Variants in PRSS54 observed in about 807,000 individuals in gnomAD.
PRSS54 encodes the protein inactive serine protease 54.
A neutral mutation model predicts 19.9 loss-of-function variants in PRSS54; 16 were observed. The ratio of observed to expected loss-of-function variants is 0.80; its 90% CI spans 0.54 to 1.22. PRSS54 has a LOEUF of 1.22. Among genes scored for constraint, PRSS54 ranks in the 50% most tolerant of loss-of-function variants. The probability of loss-of-function intolerance (pLI) is 0.00; values close to 1 mark genes in which losing one functional copy is unlikely to be tolerated. For synonymous variants in PRSS54, 177 were observed against 195.8 expected (o/e 0.90, Z 0.80); for missense variants, 444 against 494.8 (o/e 0.90, Z 0.97).
intron 6 of PRSS54, 148 bp downstream of exon 6, chr16:58,284,442 C>G: frequency 1.3e-6 from 1 of 782,978 alleles, no homozygotes; most frequent in Non-Finnish European, 2.1e-6. Flanking sequence ...ATACTGTCTG[C>G]CAAGTGCTAT....
chr16:58,281,310 A>C (rs55693470), intron 6 of PRSS54: 4,152 of 157,746 alleles, frequency 0.026, 77 homozygotes, highest in East Asian at 0.048. Flanking sequence ...CATTAGCTAG[A>C]TATGGGACCC....
intron 2 of PRSS54, 25 bp from the exon 3 acceptor site, chr16:58,293,847 C>G (rs755279007): frequency 1.3e-6 from 2 of 1,585,004 alleles, no homozygotes; most frequent in Non-Finnish European, 1.7e-6. Context: ...CCCAATGACT[C>G]CATCCTCTTC....
chr16:58,286,231 A>C (rs374484232), intron 4 of PRSS54, 36 bp from the exon 5 acceptor site: 1 of 1,608,630 alleles, frequency 6.2e-7, no homozygotes, highest in South Asian at 1.1e-5. Flanking sequence ...AGAAGCCAAG[A>C]CAGCAAGGAA....
Position 58,294,017 on chromosome 16 carries a change from TAA to T in PRSS54, c.-41_-40del. On this transcript the variant is annotated 5_prime_UTR_variant, in exon 2 of 7. Coordinates refer to ENST00000567164, the MANE Select transcript of PRSS54 (RefSeq NM_001305173.2). ...ATCCCTAGTGCTTGGTTCTGTGTGGTAAAGAGGCAGGACCAGTTGGCCCGCAC... is the reference window on the plus strand; with the variant it reads ...ATCCCTAGTGCTTGGTTCTGTGTGGTAGAGGCAGGACCAGTTGGCCCGCAC... 1 of 591,560 alleles carries T rather than the reference TAA, an allele frequency of 1.7e-6. No individual in the cohort carries two copies. Among genetic ancestry groups the T allele is most frequent in the Non-Finnish European group, 3.0e-6 (1 of 330,964 alleles). 36.6% of individuals were successfully genotyped at this position (591,560 alleles called of 1,614,324 possible). A position where few individuals can be genotyped will look rare whatever the true frequency, so the allele number is the denominator to read the frequency against.
chr16:58,292,259 C>T (rs1271106429), intron 3 of PRSS54, among the ~76,000 whole-genome samples: 1 of 152,172 alleles, frequency 6.6e-6, no homozygotes, highest in Non-Finnish European at 1.5e-5. Flanking sequence ...TGCATCCAAC[C>T]ACACTTGGCC....
In PRSS54 at chr16:58,286,496, GTT is replaced by G. The variant is rs11332661; in HGVS notation, c.264-303_264-302del. ...CTGATTAATGTTTTTTCTATGAATA[GTT>G]TTTTTTTTTTTTACATATTGTAGTT... On this transcript the variant is annotated intron_variant, in intron 4 of 6. Transcript: ENST00000567164. Among the ~76,000 whole-genome samples the G allele has an allele frequency of 1.1e-3, 157 of 147,660 alleles. 1 individual carries two copies. The highest frequency in any genetic ancestry group is 7.5e-3 in the South Asian group (35 of 4,658).
At chr16:58,290,069 T>C (rs1190479170) in intron 4 of PRSS54, among the ~76,000 whole-genome samples, 2 of 119,016 alleles carry the variant, frequency 1.7e-5, no homozygotes, top group East Asian at 4.4e-4. Context: ...ATTGTATACA[T>C]AGATATTCCA....
At position 58,291,108 on chromosome 16, in the gene PRSS54, G is replaced by A. The variant is rs749009464; in HGVS notation, c.114C>T (p.Phe38=). 6.2e-7 allele frequency: 1 copy of A among 1,614,166 alleles called. No homozygotes were observed. The highest frequency in any genetic ancestry group is 1.1e-5 in the South Asian group (1 of 91,090). Residue 38 remains phenylalanine, a synonymous_variant, in exon 4 of 7, where the codon TTC becomes TTT. Transcript: ENST00000567164. ...AGCCCTCCTTGGGGTCAGGACCGTA[G>A]AAAACGGAAGCTTTCTGGACGCCAC... ...TSCGVQKASV[F]YGPDPKEGLV...
Position 58,280,682 on chromosome 16 carries a change from C to A in PRSS54, c.730G>T (p.Gly244Cys). The change falls in exon 7 of 7, where the codon GGT becomes TGT. Residue 244 changes from glycine to cysteine, a missense_variant. Gly to Cys is a radical substitution (Grantham distance 159). Transcript: ENST00000567164. The part of the protein sequence containing the change: ...LWVLRGVLNF[G>C]GETCPGLFLY... ...AACAGGCCAGGGCACGTCTCACCAC[C>A]GAAGTTCAGGACTCCTCTCAGAACC... 1.2e-6 allele frequency: 2 copies of A among 1,614,142 alleles called. No homozygotes were observed. Among genetic ancestry groups the A allele is most frequent in the Non-Finnish European group, 1.7e-6 (2 of 1,180,028 alleles).
Position 58,285,923 on chromosome 16 carries a change from A to C in PRSS54, c.522+14T>G, listed in dbSNP as rs755706943. The C allele has an allele frequency of 6.2e-7, 1 of 1,613,314 alleles. No individual in the cohort carries two copies. The highest frequency in any genetic ancestry group is 8.5e-7 in the Non-Finnish European group (1 of 1,179,508). ...CACACACGCAGCCTTCTCTGGGAGG[A>C]GGAATGCCTTAACTGCAGATGTGGG... On this transcript the variant is annotated intron_variant, in intron 5 of 6. Transcript: ENST00000567164.
intron 5 of PRSS54, among the ~76,000 whole-genome samples, chr16:58,285,644 G>T (rs1820241): frequency 0.1 from 15,422 of 150,244 alleles, 869 homozygotes; most frequent in Admixed American, 0.13. Context: ...CGGGGCTGAG[G>T]CAGGAAGATC....
At chr16:58,291,918 CT>C (rs1454249858) in intron 3 of PRSS54, among the ~76,000 whole-genome samples, 3 of 151,916 alleles carry the variant, frequency 2.0e-5, no homozygotes, top group African/African-American at 7.3e-5. Flanking sequence ...TTGTGTATTC[CT>C]TTTTTATTTT....
Position 58,294,041 on chromosome 16 carries a change from G to A in PRSS54, c.-63C>T, listed in dbSNP as rs2288015. Reference sequence around the variant, plus strand: ...GTAAAGAGGCAGGACCAGTTGGCCCGCACTGTGGTTTGTGAGATGGCCAGA... The same window carrying A: ...GTAAAGAGGCAGGACCAGTTGGCCCACACTGTGGTTTGTGAGATGGCCAGA... On this transcript the variant is annotated 5_prime_UTR_variant, in exon 2 of 7. Coordinates refer to ENST00000567164, the MANE Select transcript of PRSS54 (RefSeq NM_001305173.2). 0.1 allele frequency: 57,587 copies of A among 553,218 alleles called. 3,439 individuals carry two copies. The highest frequency in any genetic ancestry group is 0.16 in the East Asian group (5,162 of 31,998). 34.3% of individuals were successfully genotyped at this position (553,218 alleles called of 1,614,324 possible). A position where few individuals can be genotyped will look rare whatever the true frequency, so the allele number is the denominator to read the frequency against.
intron 4 of PRSS54, among the ~76,000 whole-genome samples, chr16:58,286,698 G>A (rs943861081): frequency 1.3e-5 from 2 of 151,982 alleles, no homozygotes; most frequent in African/African-American, 2.4e-5. Flanking sequence ...CTCCTCTTGG[G>A]AATCACCCAA....
chr16:58,288,260 T>C (rs1274860074), intron 4 of PRSS54, among the ~76,000 whole-genome samples: 1 of 152,112 alleles, frequency 6.6e-6, no homozygotes, highest in Non-Finnish European at 1.5e-5. Context: ...ACCTCGTCTC[T>C]ACTAAAAATA....
intron 4 of PRSS54, among the ~76,000 whole-genome samples, chr16:58,286,434 G>A (rs1180059800): frequency 6.6e-6 from 1 of 151,378 alleles, no homozygotes; most frequent in African/African-American, 2.4e-5. Context: ...AACACCATTT[G>A]CCCCACCACT....
Position 58,284,642 on chromosome 16 carries a change from T to G in PRSS54, c.602A>C (p.Gln201Pro). ...CGTGTGGCTGCCGCATTCTGTCTTC[T>G]GGAGTTTGTATAGGGGACACATGTC... ...DLDMCPLYKL[Q>P]KTECGSHTKE... The change falls in exon 6 of 7, where the codon CAG (glutamine) becomes CCG (proline). Residue 201 changes from glutamine (Q) to proline (P), a missense_variant. Gln to Pro is a moderately conservative substitution (Grantham distance 76, BLOSUM62 -1). Coordinates refer to ENST00000567164, the MANE Select transcript of PRSS54 (RefSeq NM_001305173.2). 1 of 1,614,104 alleles carries G rather than the reference T, an allele frequency of 6.2e-7. No individual in the cohort carries two copies. The highest frequency in any genetic ancestry group is 1.1e-5 in the South Asian group (1 of 91,078).
intron 3 of PRSS54, among the ~76,000 whole-genome samples, chr16:58,291,777 C>G (rs1965045703): frequency 1.3e-5 from 2 of 152,132 alleles, no homozygotes; most frequent in Non-Finnish European, 2.9e-5. Flanking sequence ...GCCACTGCGC[C>G]CAACTTTAAA....
In PRSS54 at chr16:58,291,281, G is replaced by C; in HGVS notation, c.86-145C>G. ...CTAGTGTGTCTTCTTCACCCTAAAA[G>C]ATGCTCAGTGGCATTTTTGAATCCC... is the stretch of plus-strand genomic sequence containing the variant. On this transcript the variant is annotated intron_variant, in intron 3 of 6. Coordinates refer to ENST00000567164, the MANE Select transcript of PRSS54 (RefSeq NM_001305173.2). 3 of 719,660 alleles carry C rather than the reference G, an allele frequency of 4.2e-6. No homozygotes were observed. In the South Asian group the frequency reaches 5.8e-5, roughly 14 times the overall value. The allele number at this position is 719,660 out of a possible 1,614,324, so 44.6% of individuals were successfully genotyped here.
Sources: gnomAD v4.1 joint callset for allele counts (sites outside exome capture counted in the v4.1 genomes callset) on GRCh38, gnomAD v4.1.1 for gene constraint, MANE v1.5 for transcripts, NCBI Gene and HGNC (gene_info 2026-07-23, HGNC 2026-07-21) for gene names.